The following WNT3A variants were observed in gnomAD, a reference collection of about 807,000 sequenced individuals.
WNT3A encodes Wnt family member 3A, also known as protein Wnt-3a.
Under a neutral mutation model 37.0 loss-of-function variants are expected in WNT3A, and 17 were observed. That is an observed-to-expected ratio of 0.46 (90% CI 0.31 to 0.69). The LOEUF is 0.69. Among genes scored for constraint, WNT3A ranks in the 30% least tolerant of loss-of-function variants. The probability of loss-of-function intolerance (pLI) is 0.05; values close to 1 mark genes in which losing one functional copy is unlikely to be tolerated. For missense variants in WNT3A, 411 were observed against 510.2 expected, an observed-to-expected ratio of 0.81 and a Z score of 1.87; for synonymous variants, 187 against 211.0, an observed-to-expected ratio of 0.89 and a Z score of 0.99.
At chr1:228,044,121 A>G (rs2102775981) in intron 2 of WNT3A, among the ~76,000 whole-genome samples, 1 of 152,286 alleles carries the variant, frequency 6.6e-6, no homozygotes, top group Admixed American at 6.5e-5. Context: ...AGCTAGGACT[A>G]CAGATGCACA....
chr1:228,043,782 T>C (rs145809406), intron 2 of WNT3A, among the ~76,000 whole-genome samples: 2 of 152,244 alleles, frequency 1.3e-5, no homozygotes, highest in African/African-American at 4.8e-5. Flanking sequence ...TCCAGAAAGA[T>C]GCCCGTGCTC....
rs2030279441 is a variant in WNT3A at position 228,008,726 on chromosome 1, C to T, written c.71+1527C>T. Among the ~76,000 whole-genome samples the T allele has an allele frequency of 1.3e-5, 2 of 152,156 alleles. No individual in the cohort carries two copies. Among genetic ancestry groups the T allele is most frequent in the Non-Finnish European group, 2.9e-5 (2 of 68,006 alleles). Reference sequence around the variant, plus strand: ...TACGCACCAGGCTTCTAATTAGAACCCGCCGCCGCGTTCCTGAGCGCAAAA... The same window carrying T: ...TACGCACCAGGCTTCTAATTAGAACTCGCCGCCGCGTTCCTGAGCGCAAAA... On this transcript the variant is annotated intron_variant, in intron 1 of 3. Coordinates refer to ENST00000284523, the MANE Select transcript of WNT3A (RefSeq NM_033131.4). The surrounding 1 kb of genome is among the most constrained non-coding windows in gnomAD (Gnocchi z 4.9).
chr1:228,047,223 G>A (rs1353621097), intron 2 of WNT3A, among the ~76,000 whole-genome samples: 1 of 152,172 alleles, frequency 6.6e-6, no homozygotes, highest in Non-Finnish European at 1.5e-5. Flanking sequence ...GGCCTGACTT[G>A]GACAGGGCCC....
intron 2 of WNT3A, among the ~76,000 whole-genome samples, chr1:228,028,072 T>C (rs1386492210): frequency 1.3e-5 from 2 of 152,286 alleles, no homozygotes; most frequent in East Asian, 3.9e-4. Context: ...TTGTCAAAGA[T>C]CAGTTGTCTG....
At chr1:228,023,278 GAGACAGAGAGAA>G (rs2030768230) in intron 2 of WNT3A, among the ~76,000 whole-genome samples, 1 of 151,554 alleles carries the variant, frequency 6.6e-6, no homozygotes, top group African/African-American at 2.4e-5. Context: ...AGAAGAAAGA[GAGACAGAGAGAA>G]AGACAGAGAG....
chr1:228,022,564 G>GC (rs538909516), intron 1 of WNT3A, 103 bp from the exon 2 acceptor site: 15 of 1,377,658 alleles, frequency 1.1e-5, no homozygotes, highest in Non-Finnish European at 1.4e-5. Flanking sequence ...GCTGCGTCTC[G>GC]CCCCCCGAAT....
rs767744663 is a variant in WNT3A at position 228,060,210 on chromosome 1, G to C, written c.*745G>C. On this transcript the variant is annotated 3_prime_UTR_variant, in exon 4 of 4. Transcript: ENST00000284523. ...AGGCGTGGCTTCTGCAGGAATCCCG[G>C]CTCCAGAGCAGGAAATTCAGCCCAC... 1 of 1,351,738 alleles carries C rather than the reference G, an allele frequency of 7.4e-7. No homozygotes were observed. The highest frequency in any genetic ancestry group is 4.6e-5 in the East Asian group (1 of 21,978). 83.7% of individuals were successfully genotyped at this position (1,351,738 alleles called of 1,614,324 possible).
At position 228,059,147 on chromosome 1, in the gene WNT3A, G is replaced by C. The variant is rs367993459; in HGVS notation, c.741G>C (p.Arg247=). ...SASEMVVEKH[R]ESRGWVETLR... is the part of the protein sequence containing the mutation. Reference sequence around the variant, plus strand: ...CGGAGATGGTGGTGGAGAAGCACCGGGAGTCCCGCGGCTGGGTGGAGACCC... The same window carrying C: ...CGGAGATGGTGGTGGAGAAGCACCGCGAGTCCCGCGGCTGGGTGGAGACCC... The change falls in exon 4 of 4, where the codon CGG becomes CGC. Residue 247 remains arginine (R), a synonymous_variant. Transcript: ENST00000284523. The C allele has an allele frequency of 6.2e-7, 1 of 1,613,500 alleles. No individual in the cohort carries two copies. Among genetic ancestry groups the C allele is most frequent in the African/African-American group, 1.3e-5 (1 of 74,942 alleles).
At chr1:228,055,125 G>C (rs1394948965) in intron 3 of WNT3A, among the ~76,000 whole-genome samples, 28 of 114,422 alleles carry the variant, frequency 2.4e-4, no homozygotes, top group African/African-American at 9.6e-4. Flanking sequence ...TTTTTTTTTT[G>C]GAAACTGGGA....
Position 228,007,191 on chromosome 1 carries a change from G to C in WNT3A, c.63G>C (p.Pro21=). 2 of 1,602,962 alleles carry C rather than the reference G, an allele frequency of 1.2e-6. No homozygotes were observed. The highest frequency in any genetic ancestry group is 1.7e-6 in the Non-Finnish European group (2 of 1,174,872). Residue 21 remains proline (P), a synonymous_variant, in exon 1 of 4, where the codon CCG becomes CCC. Coordinates refer to ENST00000284523, the MANE Select transcript of WNT3A (RefSeq NM_033131.4). The surrounding 1 kb of genome is among the most constrained non-coding windows in gnomAD (Gnocchi z 6.0). The stretch of plus-strand genomic sequence containing the variant: ...TGAAGCAGGCTCTGGGCAGCTACCC[G>C]ATCTGGTGGTGAGTGAGCCTCCTCG... ...CSLKQALGSY[P]IWWSLAVGPQ... is the part of the protein sequence containing the mutation.
chr1:228,035,466 G>A (rs575124735), intron 2 of WNT3A, among the ~76,000 whole-genome samples: 3 of 152,340 alleles, frequency 2.0e-5, no homozygotes, highest in South Asian at 2.1e-4. Context: ...GGAGCATACA[G>A]TTTAGGAATC....
chr1:228,032,059 T>C (rs1038210133), intron 2 of WNT3A, among the ~76,000 whole-genome samples: 2 of 152,176 alleles, frequency 1.3e-5, no homozygotes, highest in Admixed American at 6.5e-5. Context: ...CGGGAATCTT[T>C]AGGATATTTC....
At chr1:228,013,667 T>G (rs2030444127) in intron 1 of WNT3A, among the ~76,000 whole-genome samples, 1 of 152,046 alleles carries the variant, frequency 6.6e-6, no homozygotes, top group African/African-American at 2.4e-5. Flanking sequence ...GCTCACAAGG[T>G]GCTTGAGCTG....
At chr1:228,022,617 T>C in intron 1 of WNT3A, 50 bp from the exon 2 acceptor site, 1 of 1,577,574 alleles carries the variant, frequency 6.3e-7, no homozygotes. Flanking sequence ...CCTGCTCATC[T>C]GTGTCGCTGT....
At position 228,029,549 on chromosome 1, in the gene WNT3A, G is replaced by C. The variant is rs565303182; in HGVS notation, c.313+6641G>C. 9.2e-5 allele frequency among the ~76,000 whole-genome samples: 14 copies of C among 152,246 alleles called. No individual in the cohort carries two copies. The East Asian group carries it at 2.7e-3, about 29-fold the overall frequency. On this transcript the variant is annotated intron_variant, in intron 2 of 3. Transcript: ENST00000284523. Reference sequence around the variant, plus strand: ...TCCTCCCAGGGACCTTGCAGTCCTGGGGGTCCTGTTGGCAGAATGCCCAAG... The same window carrying C: ...TCCTCCCAGGGACCTTGCAGTCCTGCGGGTCCTGTTGGCAGAATGCCCAAG...
In WNT3A at chr1:228,060,325, C is replaced by T; in HGVS notation, c.*860C>T. On this transcript the variant is annotated 3_prime_UTR_variant, in exon 4 of 4. Transcript: ENST00000284523. ...CATGAAGCGAGTCGGGTCCCCAACC[C>T]GTGCCCCTGGGATCCGAGGGCCCCT... is the stretch of plus-strand genomic sequence containing the variant. The T allele has an allele frequency of 2.2e-6, 3 of 1,346,104 alleles. No individual in the cohort carries two copies. The highest frequency in any genetic ancestry group is 3.0e-6 in the Non-Finnish European group (3 of 1,016,808). The allele number at this position is 1,346,104 out of a possible 1,614,324, so 83.4% of individuals were successfully genotyped here.
At position 228,021,750 on chromosome 1, in the gene WNT3A, G is replaced by A. The variant is rs907251010; in HGVS notation, c.72-917G>A. Among the ~76,000 whole-genome samples, 6 of 152,296 alleles carry A rather than the reference G, an allele frequency of 3.9e-5. No individual in the cohort carries two copies. In the East Asian group the frequency reaches 5.8e-4, roughly 15 times the overall value. ...GTCTGAGTTCCACAGTGATTTCTGC[G>A]CTGGGTCACGCCTACATCCCGGAAG... On this transcript the variant is annotated intron_variant, in intron 1 of 3. Coordinates refer to ENST00000284523, the MANE Select transcript of WNT3A (RefSeq NM_033131.4).
Position 228,058,975 on chromosome 1 carries a change from G to T in WNT3A, c.580-11G>T, listed in dbSNP as rs766205520. ...GCCGCCCTGACGCTGGCTCCTGCGC[G>T]TGCCCCGCAGGCCATCGCCAGCCAC... is the stretch of plus-strand genomic sequence containing the variant. On this transcript the variant is annotated splice_polypyrimidine_tract_variant and intron_variant, in intron 3 of 3. Transcript: ENST00000284523. 2.5e-6 allele frequency: 4 copies of T among 1,601,202 alleles called. No homozygotes were observed. The highest frequency in any genetic ancestry group is 1.7e-5 in the Admixed American group (1 of 59,070).
intron 1 of WNT3A, among the ~76,000 whole-genome samples, chr1:228,011,685 CGTCTCTGCCTCTG>C (rs532483364): frequency 6.6e-6 from 1 of 152,354 alleles, no homozygotes; most frequent in Admixed American, 6.5e-5. Flanking sequence ...CTCTGCCTCT[CGTCTCTGCCTCTG>C]GTGCTGAGGA....
Sources: gnomAD v4.1 joint callset for allele counts (sites outside exome capture counted in the v4.1 genomes callset) on GRCh38, gnomAD v4.1.1 for gene constraint, Gnocchi (gnomAD v3.1) non-coding constraint, MANE v1.5 for transcripts, NCBI Gene and HGNC (gene_info 2026-07-23, HGNC 2026-07-21) for gene names.